The following KNTC1 variants were observed in gnomAD, a reference collection of about 807,000 sequenced individuals.
KNTC1 encodes the protein kinetochore associated 1.
In KNTC1, 253 loss-of-function variants were observed where a neutral mutation model predicts 314.4. The ratio of observed to expected loss-of-function variants is 0.80; its 90% CI spans 0.73 to 0.89. The LOEUF (loss-of-function observed/expected upper bound fraction) is 0.89. Ranked by LOEUF, KNTC1 falls within the 40% of genes least tolerant of loss-of-function variation. The pLI, the probability that KNTC1 is intolerant of heterozygous loss-of-function variation, is 0.00. For missense variants in KNTC1, 2,475 were observed against 2,572.9 expected (o/e 0.96, Z 0.82); for synonymous variants, 901 against 901.4 (o/e 1.00, Z 0.01).
intron 24 of KNTC1, among the ~76,000 whole-genome samples, chr12:122,571,501 G>T (rs763265050): frequency 2.0e-4 from 30 of 152,076 alleles, no homozygotes; most frequent in Middle Eastern, 6.8e-3. Context: ...TGGGACTACA[G>T]GTGCGCATCA....
In KNTC1 at chr12:122,546,214, T is replaced by C. The variant is rs1962750305; in HGVS notation, c.708T>C (p.Asp236=). The C allele has an allele frequency of 1.2e-6, 2 of 1,610,288 alleles. No homozygotes were observed. The highest frequency in any genetic ancestry group is 1.7e-6 in the Non-Finnish European group (2 of 1,176,818). The change falls in exon 9 of 64, where the codon GAT becomes GAC. Residue 236 remains aspartate, a synonymous_variant. Coordinates refer to ENST00000333479, the MANE Select transcript of KNTC1 (RefSeq NM_014708.6). ...GTGCATTCTCAAAATGGGAACCAGA[T>C]TCTTCCAAGAAAGGAATGACAGTTA... ...GNCAFSKWEP[D]SSKKGMTVKN...
rs1301867441 is a variant in KNTC1 at position 122,530,132 on chromosome 12, A to G, written c.69A>G (p.Arg23=). 1.4e-5 allele frequency: 22 copies of G among 1,613,624 alleles called. No homozygotes were observed. The highest frequency in any genetic ancestry group is 2.2e-5 in the East Asian group (1 of 44,880). The change falls in exon 2 of 64, where the codon AGA becomes AGG. Residue 23 remains arginine, a synonymous_variant. Coordinates refer to ENST00000333479, the MANE Select transcript of KNTC1 (RefSeq NM_014708.6). The stretch of plus-strand genomic sequence containing the variant: ...GTGGGTACCTGAGTGTCGGTTCAAG[A>G]AAAGAACATGGAACTGCTTTATATC... ...TGSGYLSVGS[R]KEHGTALYQV...
chr12:122,539,779 G>A (rs1326461576), intron 5 of KNTC1, 25 bp downstream of exon 5: 10 of 1,337,574 alleles, frequency 7.5e-6, no homozygotes, highest in Non-Finnish European at 8.1e-6. Flanking sequence ...ATTTTTTTTT[G>A]AATGACTTTT....
chr12:122,618,566 AC>A lies in KNTC1; in HGVS notation c.6149+23del. ...CTCGAGTAAGCAAAATATTTGTTCT[AC>A]CAAAAAAAAAAAAAGTTTGTTGCTT... On this transcript the variant is annotated intron_variant, in intron 59 of 63. Transcript: ENST00000333479. 4.4e-6 allele frequency: 7 copies of A among 1,575,606 alleles called. No individual in the cohort carries two copies. The Admixed American group carries it at 5.1e-5, about 12-fold the overall frequency.
Position 122,582,861 on chromosome 12 carries a change from A to G in KNTC1, c.3139A>G (p.Ser1047Gly), listed in dbSNP as rs1437220161. The change falls in exon 34 of 64, where the codon AGC becomes GGC. Residue 1047 changes from serine to glycine, a missense_variant. Ser to Gly is a moderately conservative substitution (Grantham distance 56). Coordinates refer to ENST00000333479, the MANE Select transcript of KNTC1 (RefSeq NM_014708.6). Reference sequence around the variant, plus strand: ...CATAGCTGCTGAGGTGAGGAGCCCAAGCATGGAATCAAAGCTGCACAGACA... The same window carrying G: ...CATAGCTGCTGAGGTGAGGAGCCCAGGCATGGAATCAAAGCTGCACAGACA... Reference protein sequence around the residue: ...EPIAAEVRSPSMESKLHRQAL... With the variant: ...EPIAAEVRSPGMESKLHRQAL... The G allele has an allele frequency of 3.1e-6, 5 of 1,612,122 alleles. No individual in the cohort carries two copies. The highest frequency in any genetic ancestry group is 4.2e-6 in the Non-Finnish European group (5 of 1,179,132).
Position 122,568,319 on chromosome 12 carries a change from C to T in KNTC1, c.1663C>T (p.Gln555Ter). 3.8e-6 allele frequency: 6 copies of T among 1,599,780 alleles called. No homozygotes were observed. Among genetic ancestry groups the T allele is most frequent in the Non-Finnish European group, 5.1e-6 (6 of 1,168,118 alleles). ...AGATGATCTTAAAGATATTTTTTTA[C>T]AGCTAAAAGAAGGAAACCTTGTTTG... is the stretch of plus-strand genomic sequence containing the variant. The part of the protein sequence containing the change: ...NEDDLKDIFL[Q>*]LKEGNLVCAQ... Residue 555 changes from glutamine (Q) to a stop codon, truncating the protein, a stop_gained, in exon 21 of 64, where the codon CAG (glutamine) becomes TAG (stop). Coordinates refer to ENST00000333479, the MANE Select transcript of KNTC1 (RefSeq NM_014708.6). LOFTEE classifies it high-confidence loss of function.
Position 122,597,892 on chromosome 12 carries a change from C to T in KNTC1, c.4517C>T (p.Thr1506Met), listed in dbSNP as rs35315099. 2,383 of 1,614,004 alleles carry T rather than the reference C, an allele frequency of 1.5e-3. 29 individuals are homozygous for T. The African/African-American group carries it at 0.026, about 18-fold the overall frequency. The change falls in exon 44 of 64, where the codon ACG becomes ATG. Residue 1506 changes from threonine to methionine, a missense_variant. Physicochemically the swap from Thr to Met is moderately conservative, Grantham distance 81. Transcript: ENST00000333479. Reference sequence around the variant, plus strand: ...GCCCTTGAGATGGTTCCTTTACTGACGAGCACAAAAGATTTGGTCATCAGT... The same window carrying T: ...GCCCTTGAGATGGTTCCTTTACTGATGAGCACAAAAGATTTGGTCATCAGT... ...AKALEMVPLL[T>M]STKDLVISLS...
intron 45 of KNTC1, 197 bp from the exon 46 acceptor site, chr12:122,602,372 A>G (rs1872040394): frequency 4.6e-6 from 2 of 434,510 alleles, no homozygotes; most frequent in Non-Finnish European, 8.1e-6. Flanking sequence ...TCCTCATAGG[A>G]TTCCTTTAAT....
intron 43 of KNTC1, among the ~76,000 whole-genome samples, chr12:122,596,167 C>T (rs1427763270): frequency 6.7e-6 from 1 of 149,812 alleles, no homozygotes; most frequent in Admixed American, 6.7e-5. Context: ...ACTGCAACCT[C>T]CACCTCCTGG....
chr12:122,605,848 T>C (rs1264675814), intron 51 of KNTC1, among the ~76,000 whole-genome samples: 1 of 151,178 alleles, frequency 6.6e-6, no homozygotes, highest in Non-Finnish European at 1.5e-5. Context: ...CTGGCCTCTT[T>C]TGTTTGTTTT....
At position 122,584,958 on chromosome 12, in the gene KNTC1, T is replaced by G; in HGVS notation, c.3502T>G (p.Cys1168Gly). ...TLMAVELSRQCQMDDCGILMK... is the reference protein window; with the variant it reads ...TLMAVELSRQGQMDDCGILMK... ...AATGGCTGTAGAGCTTTCCAGACAA[T>G]GCCAAATGGATGACTGTGGAATCCT... Residue 1168 changes from cysteine to glycine, a missense_variant, in exon 36 of 64, where the codon TGC (cysteine) becomes GGC (glycine). By Grantham distance (159) the Cys-to-Gly change is radical. Coordinates refer to ENST00000333479, the MANE Select transcript of KNTC1 (RefSeq NM_014708.6). The G allele has an allele frequency of 6.2e-7, 1 of 1,604,886 alleles. No homozygotes were observed. The highest frequency in any genetic ancestry group is 8.5e-7 in the Non-Finnish European group (1 of 1,171,650).
intron 53 of KNTC1, 185 bp downstream of exon 53, chr12:122,611,085 T>C: frequency 1.7e-6 from 1 of 598,570 alleles, no homozygotes; most frequent in Admixed American, 2.9e-5. Flanking sequence ...TTAGTTCTGG[T>C]CTCTGTAACA....
intron 33 of KNTC1, among the ~76,000 whole-genome samples, chr12:122,582,269 T>C (rs1868517538): frequency 6.6e-6 from 1 of 152,024 alleles, no homozygotes; most frequent in African/African-American, 2.4e-5. Flanking sequence ...ATAACAAAAA[T>C]TAGCTGGGCG....
Position 122,594,369 on chromosome 12 carries a change from A to G in KNTC1, c.4339A>G (p.Ile1447Val). 1.3e-6 allele frequency: 2 copies of G among 1,566,026 alleles called. No homozygotes were observed. The highest frequency in any genetic ancestry group is 8.8e-7 in the Non-Finnish European group (1 of 1,138,586). Residue 1447 changes from isoleucine to valine, a missense_variant, in exon 43 of 64, where the codon ATT becomes GTT. Physicochemically the swap from Ile to Val is conservative, Grantham distance 29. Coordinates refer to ENST00000333479, the MANE Select transcript of KNTC1 (RefSeq NM_014708.6). ...VENIDMDTSL[I>V]LEYCSTFQLD... The stretch of plus-strand genomic sequence containing the variant: ...GAATATAGATATGGACACAAGCCTC[A>G]TTTTGGAATATTGCAGGTAATTCTT...
chr12:122,583,057 A>C, intron 34 of KNTC1, 72 bp downstream of exon 34: 2 of 1,401,190 alleles, frequency 1.4e-6, no homozygotes, highest in South Asian at 2.8e-5. Flanking sequence ...CATACCTGTA[A>C]TCCCAGCAAT....
intron 45 of KNTC1, 162 bp from the exon 46 acceptor site, chr12:122,602,407 A>G (rs1872047440): frequency 7.5e-6 from 4 of 533,442 alleles, no homozygotes; most frequent in Non-Finnish European, 1.3e-5. Context: ...TATAGTTTAG[A>G]TGAATAATGT....
rs1361999862 is a variant in KNTC1 at position 122,534,666 on chromosome 12, C to G, written c.132C>G (p.Ala44=). 2 of 1,606,130 alleles carry G rather than the reference C, an allele frequency of 1.2e-6. No individual in the cohort carries two copies. The highest frequency in any genetic ancestry group is 1.3e-5 in the African/African-American group (1 of 74,938). ...DLLVKISSEK[A]SLNPKIQACS... is the part of the protein sequence containing the mutation. ...CATCATGCTTTTCTCTCCCACAGGC[C>G]TCATTAAATCCAAAGATACAGGCAT... The change falls in exon 3 of 64, where the codon GCC becomes GCG. Residue 44 remains alanine (A), a splice_region_variant and synonymous_variant. Coordinates refer to ENST00000333479, the MANE Select transcript of KNTC1 (RefSeq NM_014708.6).
Position 122,590,607 on chromosome 12 carries a change from G to T in KNTC1, c.4000G>T (p.Val1334Leu). The part of the protein sequence containing the change: ...RENATTLLHK[V>L]FNCRLVDLDL... ...TTCTTTTGCTGGTTTCTTCCTGTAGGTATTTAATTGTCGCTTGGTAGATCT... is the reference window on the plus strand; with the variant it reads ...TTCTTTTGCTGGTTTCTTCCTGTAGTTATTTAATTGTCGCTTGGTAGATCT... Residue 1334 changes from valine to leucine, a missense_variant and splice_region_variant, in exon 41 of 64, where the codon GTA (valine) becomes TTA (leucine). Coordinates refer to ENST00000333479, the MANE Select transcript of KNTC1 (RefSeq NM_014708.6). 1.2e-6 allele frequency: 2 copies of T among 1,610,254 alleles called. No individual in the cohort carries two copies.
At chr12:122,558,650 G>A (rs1963763799) in intron 18 of KNTC1, among the ~76,000 whole-genome samples, 1 of 151,964 alleles carries the variant, frequency 6.6e-6, no homozygotes. Context: ...AGGCAGAGGT[G>A]AGTGGGTCAC....
Sources: allele counts gnomAD v4.1 joint callset (sites outside exome capture counted in the v4.1 genomes callset), GRCh38; gene constraint gnomAD v4.1.1; transcripts MANE v1.5; gene names NCBI Gene and HGNC (gene_info 2026-07-23, HGNC 2026-07-21).